Variants in NEK6 observed in about 807,000 individuals in gnomAD.
NEK6 encodes the protein NIMA related kinase 6, also known as serine/threonine-protein kinase Nek6.
A neutral mutation model predicts 43.5 loss-of-function variants in NEK6; 27 were observed. The observed-to-expected ratio is 0.62, with a 90% CI of 0.46 to 0.86. The LOEUF (loss-of-function observed/expected upper bound fraction) is 0.86. Among genes scored for constraint, NEK6 ranks in the 40% least tolerant of loss-of-function variants. The probability of loss-of-function intolerance (pLI) is 0.00; values close to 1 mark genes in which losing one functional copy is unlikely to be tolerated. For synonymous variants in NEK6, 167 were observed against 164.1 expected (o/e 1.02, Z -0.14); for missense variants, 318 against 414.4 (o/e 0.77, Z 2.02).
At chr9:124,312,323 G>A (rs576371804) in intron 2 of NEK6, among the ~76,000 whole-genome samples, 186 bp from the exon 3 acceptor site, 1 of 152,288 alleles carries the variant, frequency 6.6e-6, no homozygotes, top group Middle Eastern at 3.4e-3. Context: ...GTCCTTGAGG[G>A]GACCCAGGGG....
In NEK6 at chr9:124,317,344, G is replaced by A. The variant is rs1588504523; in HGVS notation, c.294+3359G>A. 3.3e-5 allele frequency among the ~76,000 whole-genome samples: 5 copies of A among 152,216 alleles called. 1 individual carries two copies. The highest frequency in any genetic ancestry group is 3.3e-4 in the Admixed American group (5 of 15,296). On this transcript the variant is annotated intron_variant, in intron 4 of 9. Transcript: ENST00000320246. ...CTCGGCTCACTACAACCTCCGAGTA[G>A]CTGGAATAACAGGTGTGCACCACCA...
chr9:124,284,212 G>A (rs1186911974), intron 1 of NEK6, among the ~76,000 whole-genome samples: 1 of 152,202 alleles, frequency 6.6e-6, no homozygotes, highest in Non-Finnish European at 1.5e-5. Context: ...AGCCAGGTGT[G>A]GTGGTGCATG....
intron 1 of NEK6, among the ~76,000 whole-genome samples, chr9:124,283,009 C>T (rs557294362): frequency 2.0e-5 from 3 of 152,378 alleles, no homozygotes; most frequent in Middle Eastern, 3.4e-3. Flanking sequence ...GGAATCCAGC[C>T]TCCCCTGTTC....
intron 4 of NEK6, among the ~76,000 whole-genome samples, chr9:124,319,734 A>C (rs1448897865): frequency 6.6e-6 from 1 of 152,210 alleles, no homozygotes; most frequent in African/African-American, 2.4e-5. Context: ...AACTTTGTTG[A>C]AGATCAGGTG....
At chr9:124,280,575 G>A (rs767308886) in intron 1 of NEK6, among the ~76,000 whole-genome samples, 1 of 152,206 alleles carries the variant, frequency 6.6e-6, no homozygotes, top group Non-Finnish European at 1.5e-5. Context: ...GCAGACATGG[G>A]TGTGACGTTT....
At chr9:124,335,094 C>T (rs1829220168) in intron 7 of NEK6, among the ~76,000 whole-genome samples, 1 of 152,206 alleles carries the variant, frequency 6.6e-6, no homozygotes, top group Non-Finnish European at 1.5e-5. Context: ...ACCCCATCAG[C>T]CCTACATCAT....
At chr9:124,301,766 C>G (rs1048327840) in intron 1 of NEK6, among the ~76,000 whole-genome samples, 170 bp from the exon 2 acceptor site, 3 of 152,116 alleles carry the variant, frequency 2.0e-5, no homozygotes, top group Non-Finnish European at 4.4e-5. Context: ...CTGTGTCACC[C>G]GGGGGTGTCA....
intron 1 of NEK6, chr9:124,262,780 A>G (rs1737631483): frequency 6.6e-6 from 1 of 152,234 alleles, no homozygotes; most frequent in African/African-American, 2.4e-5. Flanking sequence ...ACCTCATAGA[A>G]TTCTAAGAAA....
At position 124,292,962 on chromosome 9, in the gene NEK6, T is replaced by A; in HGVS notation, c.-29-8974T>A. The stretch of plus-strand genomic sequence containing the variant: ...GGAGATGCCCAGGAGAGAAGTTTGC[T>A]GGGAGGCAGCTCATTTCCGGCAGGA... On this transcript the variant is annotated intron_variant, in intron 1 of 9. Transcript: ENST00000320246. 4 of 1,574,464 alleles carry A rather than the reference T, an allele frequency of 2.5e-6. No homozygotes were observed. The South Asian group carries it at 4.7e-5, about 19-fold the overall frequency.
chr9:124,283,706 C>G (rs1832026691), intron 1 of NEK6, among the ~76,000 whole-genome samples: 1 of 152,236 alleles, frequency 6.6e-6, no homozygotes, highest in Non-Finnish European at 1.5e-5. Context: ...ACAACTCGCA[C>G]AGGGCTTGCC....
chr9:124,285,559 G>A (rs576475598), intron 1 of NEK6, among the ~76,000 whole-genome samples: 9 of 152,272 alleles, frequency 5.9e-5, no homozygotes, highest in African/African-American at 1.9e-4. Context: ...TGAGTGAACT[G>A]AAGAAATCAG....
chr9:124,277,496 C>T (rs556060401), intron 1 of NEK6, among the ~76,000 whole-genome samples: 179 of 152,310 alleles, frequency 1.2e-3, no homozygotes, highest in Non-Finnish European at 1.4e-3. Flanking sequence ...ACCACCTTCT[C>T]CTACCCTTTC....
At chr9:124,282,151 T>C (rs1831941767) in intron 1 of NEK6, among the ~76,000 whole-genome samples, 1 of 152,194 alleles carries the variant, frequency 6.6e-6, no homozygotes, top group South Asian at 2.1e-4. Context: ...CCTGGAGGCG[T>C]GATGCCTGAA....
intron 9 of NEK6, 39 bp from the exon 10 acceptor site, chr9:124,350,798 T>C: frequency 6.8e-7 from 1 of 1,477,826 alleles, no homozygotes; most frequent in Non-Finnish European, 9.4e-7. Context: ...TCAGTAAGAC[T>C]GCTTTCTTGA....
chr9:124,329,613 G>A (rs779327423), intron 7 of NEK6, among the ~76,000 whole-genome samples: 13 of 152,328 alleles, frequency 8.5e-5, no homozygotes, highest in South Asian at 2.1e-4. Context: ...CTCTGTGCCC[G>A]GCATCCAGGA....
At chr9:124,314,111 A>G (rs1233880495) in intron 4 of NEK6, 126 bp downstream of exon 4, 1 of 816,598 alleles carries the variant, frequency 1.2e-6, no homozygotes, top group African/African-American at 1.7e-5. Flanking sequence ...AAGTTAACAG[A>G]CGATAGCTTT....
chr9:124,348,087 C>A (rs1031065997), intron 9 of NEK6, among the ~76,000 whole-genome samples: 3 of 152,220 alleles, frequency 2.0e-5, no homozygotes, highest in South Asian at 4.1e-4. Context: ...TGTTCAGCTC[C>A]CAACTTGGTG....
rs376498001 is a variant in NEK6, at chr9:124,287,343, C to T, written c.-29-14593C>T. 5.3e-5 allele frequency among the ~76,000 whole-genome samples: 8 copies of T among 152,338 alleles called. No homozygotes were observed. The East Asian group carries it at 1.2e-3, about 22-fold the overall frequency. Reference sequence around the variant, plus strand: ...GTGCCAAGGTGGGCCTGGAGCACGACGTAGGCAGACACGGGGCCGAGCCCC... The same window carrying T: ...GTGCCAAGGTGGGCCTGGAGCACGATGTAGGCAGACACGGGGCCGAGCCCC... On this transcript the variant is annotated intron_variant, in intron 1 of 9. Coordinates refer to ENST00000320246, the MANE Select transcript of NEK6 (RefSeq NM_014397.6).
At chr9:124,273,974 C>T (rs1480507864) in intron 1 of NEK6, among the ~76,000 whole-genome samples, 1 of 152,206 alleles carries the variant, frequency 6.6e-6, no homozygotes, top group Non-Finnish European at 1.5e-5. Flanking sequence ...GCCTCATACA[C>T]TTTGGGCACA....
Sources: allele counts gnomAD v4.1 joint callset (sites outside exome capture counted in the v4.1 genomes callset), GRCh38; gene constraint gnomAD v4.1.1; transcripts MANE v1.5; gene names NCBI Gene and HGNC (gene_info 2026-07-23, HGNC 2026-07-21).